The following GRIA3 variants were observed in gnomAD, a reference collection of about 807,000 sequenced individuals.
GRIA3 encodes glutamate ionotropic receptor AMPA type subunit 3, also known as glutamate receptor 3.
Under a neutral mutation model 63.0 loss-of-function variants are expected in GRIA3, and 3 were observed. The observed-to-expected ratio is 0.05, with a 90% CI of 0.02 to 0.12. The LOEUF is 0.12. Among genes scored for constraint, GRIA3 ranks in the 10% least tolerant of loss-of-function variants. The pLI, the probability that GRIA3 is intolerant of heterozygous loss-of-function variation, is 1.00. For missense variants in GRIA3, 347 were observed against 700.9 expected (o/e 0.50, Z 5.70); for synonymous variants, 274 against 257.9 (o/e 1.06, Z -0.60).
At chrX:123,282,339 A>G (rs902679362) in intron 3 of GRIA3, among the ~76,000 whole-genome samples, 13 of 112,464 alleles carry the variant, frequency 1.2e-4, no homozygotes, top group Non-Finnish European at 2.1e-4. Context: ...ACAGGGCTAC[A>G]TGTCCATGCA....
At position 123,270,119 on chromosome X, in the gene GRIA3, C is replaced by T. The variant is rs145752429; in HGVS notation, c.508+16577C>T. Among the ~76,000 whole-genome samples the T allele has an allele frequency of 2.0e-4, 22 of 112,270 alleles. No homozygotes were observed. The East Asian group carries it at 3.9e-3, about 20-fold the overall frequency. On this transcript the variant is annotated intron_variant, in intron 3 of 15. Coordinates refer to ENST00000620443, the MANE Select transcript of GRIA3 (RefSeq NM_007325.5). Reference sequence around the variant, plus strand: ...GAATTGGGAAACTAAGCTTAGTTTACGGTCTTGCATTTGTTTGGCTTAAGC... The same window carrying T: ...GAATTGGGAAACTAAGCTTAGTTTATGGTCTTGCATTTGTTTGGCTTAAGC...
chrX:123,332,648 C>A (rs1048941893), intron 4 of GRIA3, among the ~76,000 whole-genome samples: 7 of 111,186 alleles, frequency 6.3e-5, no homozygotes, highest in Non-Finnish European at 9.4e-5. Flanking sequence ...ACCCTCATAT[C>A]TTTTGCCTTA....
chrX:123,365,999 G>C (rs2045207926), intron 5 of GRIA3, among the ~76,000 whole-genome samples: 1 of 111,306 alleles, frequency 9.0e-6, no homozygotes, highest in Non-Finnish European at 1.9e-5. Flanking sequence ...CAGAACTGAG[G>C]GTTCCTCCCC....
At chrX:123,307,374 G>T (rs2044761560) in intron 3 of GRIA3, among the ~76,000 whole-genome samples, 1 of 112,123 alleles carries the variant, frequency 8.9e-6, no homozygotes, top group Admixed American at 9.5e-5. Flanking sequence ...TCTTTCTATT[G>T]TCATGTGGAT....
chrX:123,432,710 T>C (rs1223664431), intron 12 of GRIA3, among the ~76,000 whole-genome samples: 1 of 112,440 alleles, frequency 8.9e-6, no homozygotes, highest in Non-Finnish European at 1.9e-5. Context: ...AAGATACTAG[T>C]CACACTGAAG....
chrX:123,244,399 C>G (rs1313897868), intron 2 of GRIA3, among the ~76,000 whole-genome samples: 1 of 111,924 alleles, frequency 8.9e-6, no homozygotes, highest in Non-Finnish European at 1.9e-5. Flanking sequence ...CTAATTTCCC[C>G]TCTCCTACAT....
At chrX:123,329,742 G>A (rs2044928081) in intron 4 of GRIA3, among the ~76,000 whole-genome samples, 1 of 111,754 alleles carries the variant, frequency 8.9e-6, no homozygotes, top group African/African-American at 3.3e-5. Flanking sequence ...GTGAACAAGG[G>A]TGAATGAACC....
At chrX:123,330,741 G>C (rs189827620) in intron 4 of GRIA3, among the ~76,000 whole-genome samples, 24 of 111,516 alleles carry the variant, frequency 2.2e-4, no homozygotes, top group African/African-American at 7.8e-4. Context: ...AGACTAGAGA[G>C]AGAGTCAGTA....
intron 11 of GRIA3, among the ~76,000 whole-genome samples, chrX:123,426,075 A>G (rs2045588165): frequency 9.0e-6 from 1 of 111,189 alleles, no homozygotes. Flanking sequence ...GAGCCTGGAG[A>G]TATGCCAGGC....
chrX:123,185,157 C>G (rs1398308150), intron 1 of GRIA3, among the ~76,000 whole-genome samples: 2 of 111,139 alleles, frequency 1.8e-5, no homozygotes, highest in Non-Finnish European at 3.8e-5. Context: ...ATCTCCCAGA[C>G]CCGGGCAGCA....
chrX:123,400,204 C>A (rs1352675554), intron 7 of GRIA3, among the ~76,000 whole-genome samples: 1 of 110,937 alleles, frequency 9.0e-6, no homozygotes, highest in African/African-American at 3.3e-5. Flanking sequence ...GGATAAGATA[C>A]CAATTGGGCT....
chrX:123,355,271 T>G (rs755610952), intron 5 of GRIA3, among the ~76,000 whole-genome samples: 1 of 112,357 alleles, frequency 8.9e-6, no homozygotes, highest in East Asian at 2.8e-4. Context: ...AACCATGGAA[T>G]TGGGGACACA....
intron 10 of GRIA3, among the ~76,000 whole-genome samples, chrX:123,413,164 A>G (rs2045516207): frequency 9.0e-6 from 1 of 111,230 alleles, no homozygotes; most frequent in Admixed American, 9.6e-5. Flanking sequence ...AGGTGTTTCA[A>G]TTACCAAGTA....
chrX:123,432,981 T>A lies in GRIA3; in HGVS notation c.2076+4842T>A, dbSNP rs1362061519. On this transcript the variant is annotated intron_variant, in intron 12 of 15. Coordinates refer to ENST00000620443, the MANE Select transcript of GRIA3 (RefSeq NM_007325.5). ...GGAGGCTGACTTGTATAGTGCATCA[T>A]TTTATGAGATGTATACCACACCCAG... Among the ~76,000 whole-genome samples, 5 of 111,684 alleles carry A rather than the reference T, an allele frequency of 4.5e-5. 1 individual carries two copies. The East Asian group carries it at 1.4e-3, about 31-fold the overall frequency.
At chrX:123,210,334 G>A (rs977734488) in intron 2 of GRIA3, among the ~76,000 whole-genome samples, 1 of 110,188 alleles carries the variant, frequency 9.1e-6, no homozygotes, top group Non-Finnish European at 1.9e-5. Flanking sequence ...GAGTTCACCA[G>A]TGATCTTCTT....
chrX:123,453,618 A>AACACAC (rs780732296), intron 12 of GRIA3, among the ~76,000 whole-genome samples: 81 of 103,388 alleles, frequency 7.8e-4, no homozygotes, highest in African/African-American at 2.5e-3. Context: ...TCAGGTTTTC[A>AACACAC]ACACACACAC....
intron 2 of GRIA3, among the ~76,000 whole-genome samples, chrX:123,243,090 T>TAA (rs201777314): frequency 9.2e-6 from 1 of 108,926 alleles, no homozygotes; most frequent in African/African-American, 3.3e-5. Flanking sequence ...AACTTGACCT[T>TAA]AAAAAAAAAC....
chrX:123,302,063 G>T (rs2044726740), intron 3 of GRIA3, among the ~76,000 whole-genome samples: 1 of 111,887 alleles, frequency 8.9e-6, no homozygotes, highest in African/African-American at 3.2e-5. Flanking sequence ...AACGTATCTG[G>T]CCCTCATGAG....
Position 123,464,823 on chromosome X carries a change from G to C in GRIA3, c.2077-42G>C, listed in dbSNP as rs768305333. The C allele has an allele frequency of 6.8e-6, 8 of 1,175,721 alleles. No homozygotes were observed. In the Admixed American group the frequency reaches 1.8e-4, roughly 26 times the overall value. ...TACTGCACTAACCCTCCTCCAGACT[G>C]AATATCTGGCAGCTCTAAGAATTCT... On this transcript the variant is annotated intron_variant, in intron 12 of 15. Coordinates refer to ENST00000620443, the MANE Select transcript of GRIA3 (RefSeq NM_007325.5).
Sources: gnomAD v4.1 joint callset for allele counts (sites outside exome capture counted in the v4.1 genomes callset) on GRCh38, gnomAD v4.1.1 for gene constraint, MANE v1.5 for transcripts, NCBI Gene and HGNC (gene_info 2026-07-23, HGNC 2026-07-21) for gene names.